The following TRANK1 variants were observed in gnomAD, a reference collection of about 807,000 sequenced individuals.
TRANK1 encodes the protein tetratricopeptide repeat and ankyrin repeat containing 1.
Under a neutral mutation model 266.0 loss-of-function variants are expected in TRANK1, and 198 were observed. The observed-to-expected ratio is 0.74, with a 90% confidence interval of 0.66 to 0.84. TRANK1 has a LOEUF of 0.84. TRANK1 is among the 40% of genes least tolerant of loss of function. TRANK1 has a pLI of 0.00. For missense variants in TRANK1, 3,326 were observed against 3,634.6 expected, an observed-to-expected ratio of 0.92 and a Z score of 2.18; for synonymous variants, 1,396 against 1,384.1, an observed-to-expected ratio of 1.01 and a Z score of -0.19.
intron 1 of TRANK1, among the ~76,000 whole-genome samples, chr3:36,909,366 TG>T (rs1377445952): frequency 6.6e-6 from 1 of 152,058 alleles, no homozygotes; most frequent in Non-Finnish European, 1.5e-5. Context: ...CCTGACCACA[TG>T]GGGGGCCTTG....
In TRANK1 at chr3:36,857,904, G is replaced by C; in HGVS notation, c.1818C>G (p.Arg606=). The C allele has an allele frequency of 6.2e-7, 1 of 1,610,140 alleles. No individual in the cohort carries two copies. Among genetic ancestry groups the C allele is most frequent in the Non-Finnish European group, 8.5e-7 (1 of 1,179,860 alleles). The part of the protein sequence containing the change: ...HILFQKGMLK[R]VKKLLDLLVK... ...CCAGCAGGTCTAACAGCTTCTTCAC[G>C]CGCTTTAGCATGCCCTTCTGGAAGA... Residue 606 remains arginine (R), a synonymous_variant, in exon 13 of 24, where the codon CGC becomes CGG. Transcript: ENST00000645898. The surrounding 1 kb of genome is among the most constrained non-coding windows in gnomAD (Gnocchi z 4.3).
rs10623771 is a variant in TRANK1, at chr3:36,939,260, T to TACACACACAC, written c.23+5517_23+5526dup. 4.1e-4 allele frequency among the ~76,000 whole-genome samples: 58 copies of TACACACACAC among 139,922 alleles called. 1 individual carries two copies. The highest frequency in any genetic ancestry group is 1.2e-3 in the African/African-American group (45 of 37,812). The allele number at this position is 139,922 out of a possible 152,430, so 91.8% of individuals were successfully genotyped here. A position where few individuals can be genotyped will look rare whatever the true frequency, so the allele number is the denominator to read the frequency against. On this transcript the variant is annotated intron_variant, in intron 1 of 23. Transcript: ENST00000645898. Reference sequence around the variant, plus strand: ...AATAGTTCAGATTCCCATTCTAACATACACACACACACACACACACACACA... The same window carrying TACACACACAC: ...AATAGTTCAGATTCCCATTCTAACATACACACACACACACACACACACACACACACACACA...
intron 10 of TRANK1, among the ~76,000 whole-genome samples, chr3:36,863,740 A>C (rs550302938): frequency 6.6e-6 from 1 of 152,318 alleles, no homozygotes; most frequent in East Asian, 1.9e-4. Context: ...TTGAATGCTA[A>C]ACTCCAAGCC....
Position 36,899,236 on chromosome 3 carries a change from G to T in TRANK1, c.306C>A (p.Ser102=), listed in dbSNP as rs1193478390. 2.0e-6 allele frequency: 3 copies of T among 1,537,298 alleles called. No homozygotes were observed. Among genetic ancestry groups the T allele is most frequent in the East Asian group, 4.9e-5 (2 of 40,916 alleles). The change falls in exon 4 of 24, where the codon TCC becomes TCA. Residue 102 remains serine (S), a synonymous_variant. Transcript: ENST00000645898. ...YVKGYYRAGY[S]LLRLHQPYEA... is the part of the protein sequence containing the mutation. ...CGTAAGGCTGGTGCAACCTCAGCAA[G>T]GAATAACCAGCTCGGTAGTATCCCT...
At chr3:36,927,488 C>A (rs1327145491) in intron 1 of TRANK1, among the ~76,000 whole-genome samples, 1 of 152,336 alleles carries the variant, frequency 6.6e-6, no homozygotes, top group South Asian at 2.1e-4. Context: ...CTCACTGCAA[C>A]CTTGGTGTTT....
rs1395465751 is a variant in TRANK1 at position 36,857,695 on chromosome 3, G to A, written c.2027C>T (p.Thr676Ile). Residue 676 changes from threonine to isoleucine, a missense_variant, in exon 13 of 24, where the codon ACA (threonine) becomes ATA (isoleucine). Transcript: ENST00000645898. This position sits in a 1 kb window ranked among gnomAD's most constrained non-coding sequence, Gnocchi z 4.3. ...TGAACCCTGGGACTTGAGCTGAGAT[G>A]TGTGACCAGGGGCAGTGGACTTTGA... ...KLSKSTAPGH[T>I]SQLKSQGSFK... 1.2e-6 allele frequency: 2 copies of A among 1,614,056 alleles called. No homozygotes were observed. Among genetic ancestry groups the A allele is most frequent in the South Asian group, 1.1e-5 (1 of 91,086 alleles).
intron 1 of TRANK1, among the ~76,000 whole-genome samples, chr3:36,921,205 T>C (rs1207328011): frequency 6.6e-6 from 1 of 152,136 alleles, no homozygotes; most frequent in Non-Finnish European, 1.5e-5. Context: ...CTCTTTAAAA[T>C]AGCCAATTGG....
At chr3:36,923,630 G>A (rs762080151) in intron 1 of TRANK1, among the ~76,000 whole-genome samples, 1 of 152,070 alleles carries the variant, frequency 6.6e-6, no homozygotes, top group African/African-American at 2.4e-5. Context: ...CCTGTAGGGG[G>A]AACTCTCTCT....
rs973647781 is a variant in TRANK1, at chr3:36,833,357, C to G, written c.6226G>C (p.Glu2076Gln). The G allele has an allele frequency of 2.1e-5, 34 of 1,613,694 alleles. No homozygotes were observed. The highest frequency in any genetic ancestry group is 2.7e-5 in the Non-Finnish European group (32 of 1,179,774). ...GCCAGGCCCAGAATCTTCTCAGGCT[C>G]GGCCTCACACTGGCTGGCTGCTTCG... is the stretch of plus-strand genomic sequence containing the variant. Reference protein sequence around the residue: ...LYEAASQCEAEPEKILGLAPG... With the variant: ...LYEAASQCEAQPEKILGLAPG... Residue 2076 changes from glutamate (E) to glutamine (Q), a missense_variant, in exon 22 of 24, where the codon GAG becomes CAG. Transcript: ENST00000645898.
At position 36,832,059 on chromosome 3, in the gene TRANK1, C is replaced by T. The variant is rs769555787; in HGVS notation, c.7524G>A (p.Gln2508=). 6.2e-7 allele frequency: 1 copy of T among 1,614,026 alleles called. No individual in the cohort carries two copies. The highest frequency in any genetic ancestry group is 8.5e-7 in the Non-Finnish European group (1 of 1,179,908). The change falls in exon 22 of 24, where the codon CAG becomes CAA. Residue 2508 remains glutamine, a synonymous_variant. Transcript: ENST00000645898. ...KELGDVFSII[Q]EYKPKDVTRA... ...TTGTCACGTCCTTGGGTTTGTATTC[C>T]TGAATGATGGAGAACACATCCCCAA...
At chr3:36,873,997 G>T in intron 9 of TRANK1, 129 bp downstream of exon 9, 6 of 695,414 alleles carry the variant, frequency 8.6e-6, no homozygotes, top group Non-Finnish European at 1.2e-5. Flanking sequence ...CCAAAGATTG[G>T]TAGGTCTCAC....
intron 3 of TRANK1, among the ~76,000 whole-genome samples, chr3:36,902,378 GT>G (rs2125623208): frequency 6.6e-6 from 1 of 152,298 alleles, no homozygotes; most frequent in East Asian, 1.9e-4. Context: ...CACACATTAT[GT>G]GTTGCTTCAG....
In TRANK1 at chr3:36,860,994, T is replaced by C. The variant is rs752955395; in HGVS notation, c.1407A>G (p.Ser469=). ...GDCLIKDCNF[S]DLDICTIIPH... is the part of the protein sequence containing the mutation. ...GGATGATGGTACAGATGTCGAGGTC[T>C]GAGAAGTTGCAGTCTTTGATGAGGC... The change falls in exon 11 of 24, where the codon TCA becomes TCG. Residue 469 remains serine, a synonymous_variant. Coordinates refer to ENST00000645898, the MANE Select transcript of TRANK1 (RefSeq NM_001329998.2). The C allele has an allele frequency of 6.5e-7, 1 of 1,537,750 alleles. No homozygotes were observed. Among genetic ancestry groups the C allele is most frequent in the African/African-American group, 1.4e-5 (1 of 73,040 alleles).
chr3:36,858,963 T>C, intron 11 of TRANK1, 69 bp from the exon 12 acceptor site: 3 of 1,417,880 alleles, frequency 2.1e-6, no homozygotes, highest in Non-Finnish European at 2.8e-6. Context: ...AGAGAAGGAA[T>C]GCTTCAGTTA....
At chr3:36,945,708 G>T (rs1180646669), upstream of TRANK1, among the ~76,000 whole-genome samples, 1 of 152,196 alleles carries the variant, frequency 6.6e-6, no homozygotes, top group Non-Finnish European at 1.5e-5. Context: ...TAGGGAGCCG[G>T]TTTGGTCTTC....
At chr3:36,834,598 C>G in intron 21 of TRANK1, 164 bp downstream of exon 21, 1 of 685,512 alleles carries the variant, frequency 1.5e-6, no homozygotes, top group South Asian at 2.2e-5. Flanking sequence ...GAGTCCTGCT[C>G]TCAAAGAGCT....
intron 1 of TRANK1, among the ~76,000 whole-genome samples, chr3:36,919,753 C>A (rs575647852): frequency 6.6e-6 from 1 of 152,286 alleles, no homozygotes; most frequent in East Asian, 1.9e-4. Flanking sequence ...TATAAACTGC[C>A]AACATTTGTC....
chr3:36,921,634 A>G (rs927075141), intron 1 of TRANK1, among the ~76,000 whole-genome samples: 2 of 152,200 alleles, frequency 1.3e-5, no homozygotes, highest in Non-Finnish European at 1.5e-5. Context: ...GGTACCACGT[A>G]TCTCTTTCAT....
At chr3:36,939,988 T>G in intron 1 of TRANK1, among the ~76,000 whole-genome samples, 1 of 151,862 alleles carries the variant, frequency 6.6e-6, no homozygotes, top group African/African-American at 2.4e-5. Flanking sequence ...CCTCCCGGGT[T>G]CAAGCGATTC....
Sources: gnomAD v4.1 joint callset for allele counts (sites outside exome capture counted in the v4.1 genomes callset) on GRCh38, gnomAD v4.1.1 for gene constraint, Gnocchi (gnomAD v3.1) non-coding constraint, MANE v1.5 for transcripts, NCBI Gene and HGNC (gene_info 2026-07-23, HGNC 2026-07-21) for gene names.